THRB: variants seen among roughly 807,000 people sequenced by gnomAD.
THRB encodes the protein nuclear receptor subfamily 1 group A member 2.
Under a neutral mutation model 47.8 loss-of-function variants are expected in THRB, and 12 were observed. The observed-to-expected ratio is 0.25, with a 90% CI of 0.16 to 0.41. THRB has a LOEUF of 0.41. Ranked by LOEUF, THRB falls within the 10% of genes least tolerant of loss-of-function variation. THRB has a pLI of 1.00. For missense variants in THRB, 348 were observed against 589.2 expected (o/e 0.59, Z 4.24); for synonymous variants, 218 against 212.2 (o/e 1.03, Z -0.24).
At chr3:24,173,851 C>T (rs2040772935) in intron 5 of THRB, among the ~76,000 whole-genome samples, 1 of 152,114 alleles carries the variant, frequency 6.6e-6, no homozygotes, top group African/African-American at 2.4e-5. Context: ...CTCTCTTGTG[C>T]CTTCCAGACC....
chr3:24,354,764 CA>C (rs759331973), intron 1 of THRB, among the ~76,000 whole-genome samples: 2 of 152,092 alleles, frequency 1.3e-5, no homozygotes, highest in Non-Finnish European at 2.9e-5. Context: ...GGTTTGGAAA[CA>C]AGATTTTGAA....
chr3:24,442,820 G>A (rs1457676744), intron 1 of THRB, among the ~76,000 whole-genome samples: 8 of 90,974 alleles, frequency 8.8e-5, no homozygotes, highest in African/African-American at 2.5e-4. Context: ...GTGAAACTCC[G>A]TCTCAAAAAA....
intron 1 of THRB, among the ~76,000 whole-genome samples, chr3:24,367,559 A>G (rs893667961): frequency 1.3e-5 from 2 of 152,156 alleles, no homozygotes; most frequent in African/African-American, 4.8e-5. Context: ...AAGTCCTTCT[A>G]TGCCATCTAG....
intron 5 of THRB, among the ~76,000 whole-genome samples, chr3:24,183,851 C>G (rs1279519768): frequency 6.6e-6 from 1 of 152,076 alleles, no homozygotes; most frequent in African/African-American, 2.4e-5. Flanking sequence ...TAAACTGAAG[C>G]CTAACTGTAA....
At chr3:24,361,079 C>A (rs1284062698) in intron 1 of THRB, among the ~76,000 whole-genome samples, 1 of 152,042 alleles carries the variant, frequency 6.6e-6, no homozygotes, top group Non-Finnish European at 1.5e-5. Context: ...TCCTTAAAAC[C>A]CAGATTTTTA....
chr3:24,163,972 A>G (rs578214170), intron 5 of THRB, among the ~76,000 whole-genome samples: 1 of 152,256 alleles, frequency 6.6e-6, no homozygotes, highest in Admixed American at 6.5e-5. Flanking sequence ...AATAAACCAC[A>G]TTATGTTTTA....
At chr3:24,146,536 G>A (rs2149034557) in intron 7 of THRB, 139 bp downstream of exon 7, 2 of 884,394 alleles carry the variant, frequency 2.3e-6, no homozygotes, top group Non-Finnish European at 3.6e-6. Flanking sequence ...TGGGGAGTGA[G>A]GGGTGTATGC....
intron 1 of THRB, among the ~76,000 whole-genome samples, chr3:24,428,648 T>C (rs2070026942): frequency 6.6e-6 from 1 of 152,030 alleles, no homozygotes; most frequent in Non-Finnish European, 1.5e-5. Context: ...GAGAAAATGC[T>C]GAGCTTATCA....
intron 1 of THRB, among the ~76,000 whole-genome samples, chr3:24,351,517 T>G (rs930071983): frequency 3.3e-5 from 5 of 152,172 alleles, no homozygotes; most frequent in African/African-American, 1.2e-4. Flanking sequence ...GTATGCATTT[T>G]GTTAATTTGG....
At chr3:24,133,544 C>A (rs1575308082) in intron 8 of THRB, 82 bp from the exon 9 acceptor site, 7 of 1,244,838 alleles carry the variant, frequency 5.6e-6, no homozygotes, top group African/African-American at 4.4e-5. Context: ...GGCAGAAAAT[C>A]TCTTCTGAAC....
chr3:24,482,623 C>A (rs914494399), intron 1 of THRB, among the ~76,000 whole-genome samples: 1 of 151,948 alleles, frequency 6.6e-6, no homozygotes, highest in East Asian at 1.9e-4. Flanking sequence ...CCAGCTTCCA[C>A]CCTCTCACAA....
intron 1 of THRB, among the ~76,000 whole-genome samples, chr3:24,359,176 T>G (rs752240456): frequency 2.0e-5 from 3 of 152,090 alleles, no homozygotes; most frequent in East Asian, 1.9e-4. Context: ...TGGTGTTAAT[T>G]AAGGATACTC....
At chr3:24,236,985 A>T (rs2048940590) in intron 3 of THRB, among the ~76,000 whole-genome samples, 1 of 152,234 alleles carries the variant, frequency 6.6e-6, no homozygotes. Flanking sequence ...CACCTTTTGT[A>T]TTCAGTAAAA....
intron 4 of THRB, among the ~76,000 whole-genome samples, chr3:24,212,592 A>AAG (rs1045223313): frequency 1.3e-5 from 2 of 151,440 alleles, no homozygotes; most frequent in Admixed American, 6.6e-5. Flanking sequence ...AAAAAAAAAA[A>AAG]AAAAAAGAAA....
intron 1 of THRB, among the ~76,000 whole-genome samples, chr3:24,451,858 A>G (rs1276404335): frequency 1.3e-5 from 2 of 152,200 alleles, no homozygotes; most frequent in African/African-American, 4.8e-5. Flanking sequence ...TCCAGGGGTC[A>G]AAGGGCCTGG....
At chr3:24,259,258 C>T (rs914140032) in intron 3 of THRB, among the ~76,000 whole-genome samples, 1 of 152,120 alleles carries the variant, frequency 6.6e-6, no homozygotes, top group Non-Finnish European at 1.5e-5. Context: ...CTTTAAATCA[C>T]CAGATACATG....
rs936322703 is a variant in THRB, at chr3:24,120,582, T to C, written c.*2302A>G. 1.3e-5 allele frequency: 2 copies of C among 152,250 alleles called. No homozygotes were observed. The highest frequency in any genetic ancestry group is 4.8e-5 in the African/African-American group (2 of 41,460). 9.4% of individuals were successfully genotyped at this position (152,250 alleles called of 1,614,324 possible). A position where few individuals can be genotyped will look rare whatever the true frequency, so the allele number is the denominator to read the frequency against. On this transcript the variant is annotated 3_prime_UTR_variant, in exon 11 of 11. Transcript: ENST00000646209. ...CTCTCATTCCCTTTGGAAAGAAAGCTTGCCCCAGACAGCAGAGCTTCTCAG... is the reference window on the plus strand; with the variant it reads ...CTCTCATTCCCTTTGGAAAGAAAGCCTGCCCCAGACAGCAGAGCTTCTCAG...
intron 1 of THRB, among the ~76,000 whole-genome samples, chr3:24,443,352 T>C (rs1260434215): frequency 1.3e-5 from 2 of 152,094 alleles, no homozygotes; most frequent in Non-Finnish European, 2.9e-5. Flanking sequence ...AAAAGTATTA[T>C]CTGGTTCAAA....
At chr3:24,318,475 G>A (rs2058271700) in intron 2 of THRB, 1 of 152,156 alleles carries the variant, frequency 6.6e-6, no homozygotes, top group Admixed American at 6.5e-5. Context: ...AAGGACCTTT[G>A]CTATGAGCCT....
Sources: allele counts gnomAD v4.1 joint callset (sites outside exome capture counted in the v4.1 genomes callset), GRCh38; gene constraint gnomAD v4.1.1; transcripts MANE v1.5; gene names NCBI Gene and HGNC (gene_info 2026-07-23, HGNC 2026-07-21).